RNF185: variants seen among roughly 807,000 people sequenced by gnomAD.
The protein encoded by RNF185 is E3 ubiquitin-protein ligase RNF185.
Under a neutral mutation model 24.9 loss-of-function variants are expected in RNF185, and 13 were observed. That is an observed-to-expected ratio of 0.52 (90% CI 0.34 to 0.83). RNF185 has a LOEUF of 0.83. Ranked by LOEUF, RNF185 falls within the 40% of genes least tolerant of loss-of-function variation. The probability of loss-of-function intolerance (pLI) is 0.01; values close to 1 mark genes in which losing one functional copy is unlikely to be tolerated. For synonymous variants in RNF185, 79 were observed against 90.3 expected, an observed-to-expected ratio of 0.88 and a Z score of 0.71; for missense variants, 184 against 244.7, an observed-to-expected ratio of 0.75 and a Z score of 1.65.
chr22:31,185,802 A>G (rs950030260), intron 1 of RNF185, among the ~76,000 whole-genome samples: 1 of 151,798 alleles, frequency 6.6e-6, no homozygotes, highest in Non-Finnish European at 1.5e-5. Context: ...TTCTTGTTCA[A>G]CTCCTGGCTG....
chr22:31,178,875 A>G (rs2048008059), intron 1 of RNF185, among the ~76,000 whole-genome samples: 1 of 152,200 alleles, frequency 6.6e-6, no homozygotes, highest in African/African-American at 2.4e-5. Context: ...CAGGTATTTA[A>G]TTTTGTAAAG....
rs372507118 is a variant in RNF185, at chr22:31,201,762, T to C, written c.481+147T>C. 7 of 646,116 alleles carry C rather than the reference T, an allele frequency of 1.1e-5. No individual in the cohort carries two copies. The South Asian group carries it at 1.1e-4, about 10-fold the overall frequency. The allele number at this position is 646,116 out of a possible 1,614,324, so 40.0% of individuals were successfully genotyped here. ...CAAAATATCTTAAGCTGTTTTTAGA[T>C]CACTTACAGACATGGTAACAATGCT... On this transcript the variant is annotated intron_variant, in intron 6 of 6. Transcript: ENST00000326132.
At chr22:31,189,825 A>G (rs997764564) in intron 2 of RNF185, among the ~76,000 whole-genome samples, 4 of 149,856 alleles carry the variant, frequency 2.7e-5, no homozygotes, top group Admixed American at 6.6e-5. Flanking sequence ...CGATCTTCTG[A>G]CCTCGTTATC....
chr22:31,196,071 A>G (rs911045164), intron 4 of RNF185, among the ~76,000 whole-genome samples: 1 of 152,186 alleles, frequency 6.6e-6, no homozygotes, highest in Non-Finnish European at 1.5e-5. Flanking sequence ...CAGCTACCCT[A>G]GCATATGCTG....
At chr22:31,185,507 G>A (rs911723880) in intron 1 of RNF185, among the ~76,000 whole-genome samples, 3 of 152,188 alleles carry the variant, frequency 2.0e-5, no homozygotes, top group African/African-American at 7.2e-5. Flanking sequence ...GAGAGGCACA[G>A]TCTAAGAGCT....
At chr22:31,179,514 T>C (rs569801278) in intron 1 of RNF185, among the ~76,000 whole-genome samples, 4 of 152,312 alleles carry the variant, frequency 2.6e-5, no homozygotes, top group South Asian at 2.1e-4. Flanking sequence ...CCAAAGTCAG[T>C]CATGCGTGCC....
At chr22:31,202,928 TCTTA>T (rs1220587553) in intron 6 of RNF185, among the ~76,000 whole-genome samples, 1 of 152,132 alleles carries the variant, frequency 6.6e-6, no homozygotes, top group Non-Finnish European at 1.5e-5. Context: ...GGATGCCCTT[TCTTA>T]CTTTATCTGC....
chr22:31,168,950 C>T (rs1023641022), intron 1 of RNF185, among the ~76,000 whole-genome samples: 1 of 152,140 alleles, frequency 6.6e-6, no homozygotes, highest in Non-Finnish European at 1.5e-5. Context: ...CTCTCTCTTG[C>T]CCAGGCTGGA....
chr22:31,201,607 C>G lies in RNF185; in HGVS notation c.473C>G (p.Pro158Arg), dbSNP rs1351225821. The G allele has an allele frequency of 6.2e-7, 1 of 1,605,762 alleles. No homozygotes were observed. Among genetic ancestry groups the G allele is most frequent in the African/African-American group, 1.3e-5 (1 of 74,906 alleles). ...GCATTTAATATAAATGATGGGCGGC[C>G]TCCTCCAGGTAAGACCCTATTTCCT... ...ATAFNINDGR[P>R]PPAVPGTPQY... is the part of the protein sequence containing the mutation. Residue 158 changes from proline (P) to arginine (R), a missense_variant, in exon 6 of 7, where the codon CCT (proline) becomes CGT (arginine). Pro to Arg is a moderately radical substitution (Grantham distance 103, BLOSUM62 -2). Coordinates refer to ENST00000326132, the MANE Select transcript of RNF185 (RefSeq NM_152267.4).
chr22:31,185,786 T>G (rs1340012028), intron 1 of RNF185, among the ~76,000 whole-genome samples: 2 of 152,208 alleles, frequency 1.3e-5, no homozygotes, highest in African/African-American at 4.8e-5. Flanking sequence ...GTTGGTTTTA[T>G]CCTCTTTCTT....
intron 1 of RNF185, among the ~76,000 whole-genome samples, chr22:31,171,911 T>C (rs1046911540): frequency 6.6e-6 from 1 of 151,952 alleles, no homozygotes; most frequent in Non-Finnish European, 1.5e-5. Flanking sequence ...GAGGTTGCGG[T>C]GAGCCAAGAT....
chr22:31,168,563 T>C (rs1046857441), intron 1 of RNF185, among the ~76,000 whole-genome samples: 1 of 152,222 alleles, frequency 6.6e-6, no homozygotes, highest in South Asian at 2.1e-4. Flanking sequence ...TTGCTTTCAA[T>C]TATTTGGGTA....
At chr22:31,160,765 T>C (rs1252745693) in intron 1 of RNF185, among the ~76,000 whole-genome samples, 1 of 152,138 alleles carries the variant, frequency 6.6e-6, no homozygotes, top group East Asian at 1.9e-4. Flanking sequence ...GGGCCTCAGT[T>C]TTCTCGTCTC....
In RNF185 at chr22:31,192,669, TGG is replaced by T; in HGVS notation, c.177-12_177-11del. On this transcript the variant is annotated splice_polypyrimidine_tract_variant and intron_variant, in intron 2 of 6. Transcript: ENST00000326132. ...CCTTCTCCTTGATGACTGGTTGCCC[TGG>T]GGACTCTGGCAGTTGGCCGTGTTTA... 1 of 1,613,472 alleles carries T rather than the reference TGG, an allele frequency of 6.2e-7. No individual in the cohort carries two copies. Among genetic ancestry groups the T allele is most frequent in the African/African-American group, 1.3e-5 (1 of 75,048 alleles).
At chr22:31,161,210 G>A (rs1923554729) in intron 1 of RNF185, among the ~76,000 whole-genome samples, 1 of 152,166 alleles carries the variant, frequency 6.6e-6, no homozygotes. Context: ...TGGAAGAATC[G>A]TCAGAGGTGA....
chr22:31,179,124 A>T (rs1358061882), intron 1 of RNF185, among the ~76,000 whole-genome samples: 1 of 152,242 alleles, frequency 6.6e-6, no homozygotes, highest in East Asian at 1.9e-4. Flanking sequence ...ACAGAGGCAC[A>T]GAACTAGCCA....
intron 2 of RNF185, 49 bp from the exon 3 acceptor site, chr22:31,192,635 C>T (rs2048166095): frequency 6.3e-7 from 1 of 1,582,062 alleles, no homozygotes; most frequent in Non-Finnish European, 8.7e-7. Flanking sequence ...TCTTCCTTTC[C>T]CCTTTTCTCC....
intron 5 of RNF185, among the ~76,000 whole-genome samples, chr22:31,199,635 T>G (rs1341632281): frequency 6.6e-6 from 1 of 152,236 alleles, no homozygotes; most frequent in Non-Finnish European, 1.5e-5. Context: ...TCCTCAGGAT[T>G]GCACTGAATG....
At chr22:31,184,238 G>A (rs1209849139) in intron 1 of RNF185, among the ~76,000 whole-genome samples, 3 of 151,832 alleles carry the variant, frequency 2.0e-5, no homozygotes, top group East Asian at 3.9e-4. Context: ...CCTCCCAGAC[G>A]GGTGGCGGTG....
Sources: allele counts gnomAD v4.1 joint callset (sites outside exome capture counted in the v4.1 genomes callset), GRCh38; gene constraint gnomAD v4.1.1; transcripts MANE v1.5; gene names NCBI Gene and HGNC (gene_info 2026-07-23, HGNC 2026-07-21).